DIS3L2: variants seen among roughly 807,000 people sequenced by gnomAD.
The protein encoded by DIS3L2 is DIS3 like 3'-5' exoribonuclease 2, also known as DIS3-like exonuclease 2.
DIS3L2 carries 34 observed loss-of-function variants against 97.5 expected under a neutral mutation model. That is an observed-to-expected ratio of 0.35 (90% CI 0.27 to 0.46). The LOEUF is 0.46. DIS3L2 is among the 20% of genes least tolerant of loss of function. The pLI is 1.00. For missense variants in DIS3L2, 1,038 were observed against 1,146.0 expected, an observed-to-expected ratio of 0.91 and a Z score of 1.36; for synonymous variants, 435 against 445.2, an observed-to-expected ratio of 0.98 and a Z score of 0.29.
At chr2:232,072,085 G>A (rs778124009) in intron 5 of DIS3L2, among the ~76,000 whole-genome samples, 25 of 152,098 alleles carry the variant, frequency 1.6e-4, no homozygotes, top group Non-Finnish European at 2.6e-4. Flanking sequence ...TAGTAGTGGT[G>A]TTTGAAGAAA....
chr2:232,032,023 A>G (rs1303197613), intron 5 of DIS3L2, among the ~76,000 whole-genome samples: 1 of 152,178 alleles, frequency 6.6e-6, no homozygotes, highest in African/African-American at 2.4e-5. Context: ...GGGTATATAC[A>G]CAGTAGTGGG....
intron 1 of DIS3L2, among the ~76,000 whole-genome samples, chr2:232,009,405 T>A (rs1262178512): frequency 6.6e-6 from 1 of 152,082 alleles, no homozygotes; most frequent in African/African-American, 2.4e-5. Flanking sequence ...TTCCATGGAG[T>A]CTGTTTCTCC....
chr2:232,313,501 C>G (rs1327627474), intron 14 of DIS3L2, among the ~76,000 whole-genome samples: 2 of 152,182 alleles, frequency 1.3e-5, no homozygotes, highest in African/African-American at 2.4e-5. Context: ...GACTTCAAAA[C>G]CCATGCTCTC....
intron 13 of DIS3L2, among the ~76,000 whole-genome samples, chr2:232,286,031 C>G (rs936501143): frequency 6.6e-6 from 1 of 152,194 alleles, no homozygotes; most frequent in Non-Finnish European, 1.5e-5. Flanking sequence ...TCCAGACTGT[C>G]AGAAGCCAGC....
At chr2:231,998,481 A>G (rs1235125288) in intron 1 of DIS3L2, among the ~76,000 whole-genome samples, 2 of 152,318 alleles carry the variant, frequency 1.3e-5, no homozygotes, top group East Asian at 3.9e-4. Context: ...TGATGTTTCA[A>G]AACTGACATG....
chr2:232,001,703 A>G (rs1008492370), intron 1 of DIS3L2, among the ~76,000 whole-genome samples: 1 of 140,780 alleles, frequency 7.1e-6, no homozygotes, highest in African/African-American at 2.5e-5. Context: ...CCTTACATTT[A>G]AATCTTTAAT....
intron 6 of DIS3L2, among the ~76,000 whole-genome samples, chr2:232,121,126 T>G (rs769677606): frequency 2.6e-5 from 4 of 152,186 alleles, no homozygotes; most frequent in Non-Finnish European, 5.9e-5. Flanking sequence ...TCCCACAGTC[T>G]GCCTCCCACT....
intron 9 of DIS3L2, among the ~76,000 whole-genome samples, chr2:232,185,564 G>T (rs931358537): frequency 1.3e-5 from 2 of 152,232 alleles, no homozygotes; most frequent in Non-Finnish European, 1.5e-5. Context: ...GCTGGGCATG[G>T]TGGCTTATGC....
chr2:232,185,017 A>C (rs1197017033), intron 9 of DIS3L2, among the ~76,000 whole-genome samples: 3 of 152,202 alleles, frequency 2.0e-5, no homozygotes, highest in African/African-American at 4.8e-5. Flanking sequence ...CAGTCTGCTC[A>C]CTTGCCATAA....
At chr2:232,330,641 T>C (rs1470745068) in intron 15 of DIS3L2, 49 bp from the exon 16 acceptor site, 5 of 1,593,884 alleles carry the variant, frequency 3.1e-6, no homozygotes, top group East Asian at 2.2e-5. Flanking sequence ...CCAGAGTCTC[T>C]GCCCGAGCTG....
chr2:232,132,387 G>A (rs549259816), intron 7 of DIS3L2, among the ~76,000 whole-genome samples: 125 of 152,282 alleles, frequency 8.2e-4, no homozygotes, highest in African/African-American at 2.9e-3. Flanking sequence ...GTTCAGACAA[G>A]ATGGCATAGA....
At chr2:232,141,056 C>T (rs187011287) in intron 8 of DIS3L2, among the ~76,000 whole-genome samples, 76 of 152,218 alleles carry the variant, frequency 5.0e-4, no homozygotes, top group Admixed American at 3.1e-3. Context: ...TTGGTTTCTT[C>T]GCTGGAATGA....
At chr2:232,115,409 A>G (rs568012819) in intron 6 of DIS3L2, among the ~76,000 whole-genome samples, 1 of 152,324 alleles carries the variant, frequency 6.6e-6, no homozygotes, top group South Asian at 2.1e-4. Context: ...TGAAAGAGAA[A>G]AGTTAAATTT....
At chr2:232,048,648 C>T (rs563199556) in intron 5 of DIS3L2, among the ~76,000 whole-genome samples, 3 of 151,784 alleles carry the variant, frequency 2.0e-5, no homozygotes, top group African/African-American at 4.8e-5. Context: ...AGAAGAATGG[C>T]GTGAACCTGG....
chr2:232,086,381 ATATG>A (rs1452398723), intron 5 of DIS3L2, among the ~76,000 whole-genome samples: 3 of 143,912 alleles, frequency 2.1e-5, no homozygotes, highest in Middle Eastern at 3.6e-3. Context: ...ATGTATATGT[ATATG>A]TATATGTATA....
intron 11 of DIS3L2, among the ~76,000 whole-genome samples, chr2:232,245,408 G>C (rs757983341): frequency 6.6e-6 from 1 of 152,178 alleles, no homozygotes; most frequent in Non-Finnish European, 1.5e-5. Context: ...GCTGTGCCTG[G>C]GGTTGTGGGA....
chr2:232,306,493 T>C (rs1485515396), intron 14 of DIS3L2, among the ~76,000 whole-genome samples: 1 of 152,216 alleles, frequency 6.6e-6, no homozygotes, highest in African/African-American at 2.4e-5. Flanking sequence ...GAGAATTTTC[T>C]CATTATTCTT....
chr2:232,041,420 G>C (rs981272203), intron 5 of DIS3L2, among the ~76,000 whole-genome samples: 3 of 152,126 alleles, frequency 2.0e-5, no homozygotes, highest in African/African-American at 7.2e-5. Context: ...CAGAAATGTG[G>C]GACTGTTTTG....
chr2:232,082,167 A>G (rs971972296), intron 5 of DIS3L2, among the ~76,000 whole-genome samples: 1 of 152,234 alleles, frequency 6.6e-6, no homozygotes, highest in South Asian at 2.1e-4. Context: ...TGATCTCATA[A>G]TGATCTTTTC....
Sources: gnomAD v4.1 joint callset for allele counts (sites outside exome capture counted in the v4.1 genomes callset) on GRCh38, gnomAD v4.1.1 for gene constraint, MANE v1.5 for transcripts, NCBI Gene and HGNC (gene_info 2026-07-23, HGNC 2026-07-21) for gene names.